MLIP: variants seen among roughly 807,000 people sequenced by gnomAD.
MLIP encodes the protein muscular LMNA interacting protein, also known as muscular LMNA-interacting protein.
Under a neutral mutation model 84.8 loss-of-function variants are expected in MLIP, and 79 were observed. That is an observed-to-expected ratio of 0.93 (90% CI 0.78 to 1.12). The LOEUF (loss-of-function observed/expected upper bound fraction) is 1.12, where lower values mean the gene tolerates loss of function less well. Ranked by LOEUF, MLIP falls within the 50% of genes most tolerant of loss-of-function variation. MLIP has a pLI of 0.00. For synonymous variants in MLIP, 504 were observed against 463.0 expected, an observed-to-expected ratio of 1.09 and a Z score of -1.14; for missense variants, 1,257 against 1,160.6, an observed-to-expected ratio of 1.08 and a Z score of -1.21.
intron 10 of MLIP, among the ~76,000 whole-genome samples, chr6:54,192,593 T>C (rs1396575082): frequency 6.6e-6 from 1 of 151,834 alleles, no homozygotes. Flanking sequence ...AATAAGAATG[T>C]CTTTGATAAA....
At chr6:54,262,046 C>T (rs1214515584) in intron 13 of MLIP, among the ~76,000 whole-genome samples, 3 of 151,934 alleles carry the variant, frequency 2.0e-5, no homozygotes, top group Admixed American at 1.3e-4. Context: ...AGTAGATAGC[C>T]ACCTTTCCCA....
intron 1 of MLIP, among the ~76,000 whole-genome samples, chr6:54,104,095 G>A (rs1178309827): frequency 6.6e-6 from 1 of 151,948 alleles, no homozygotes; most frequent in African/African-American, 2.4e-5. Context: ...AGTAATACAG[G>A]TAAATTTTTT....
intron 12 of MLIP, among the ~76,000 whole-genome samples, chr6:54,244,639 C>G (rs1249965321): frequency 2.6e-5 from 4 of 152,112 alleles, no homozygotes; most frequent in Non-Finnish European, 1.5e-5. Context: ...GAATACATGC[C>G]TTAATGACAG....
intron 4 of MLIP, among the ~76,000 whole-genome samples, chr6:54,144,550 C>T (rs183371819): frequency 3.6e-4 from 55 of 152,300 alleles, no homozygotes; most frequent in African/African-American, 1.2e-3. Context: ...CAACCTAGAT[C>T]CTTTGCCTGT....
chr6:54,201,842 G>A (rs1004535017), intron 10 of MLIP, among the ~76,000 whole-genome samples: 2 of 152,216 alleles, frequency 1.3e-5, no homozygotes, highest in Non-Finnish European at 2.9e-5. Context: ...GCACCAGCAA[G>A]GGTAGAACAT....
At chr6:54,123,935 CT>C (rs1561952723) in intron 2 of MLIP, among the ~76,000 whole-genome samples, 1 of 152,092 alleles carries the variant, frequency 6.6e-6, no homozygotes, top group African/African-American at 2.4e-5. Flanking sequence ...ATATCTGCAT[CT>C]TTTTTGGTGT....
intron 12 of MLIP, among the ~76,000 whole-genome samples, chr6:54,252,271 T>A (rs1782664178): frequency 8.9e-6 from 1 of 111,980 alleles, no homozygotes; most frequent in Admixed American, 1.1e-4. Flanking sequence ...ATATAATATA[T>A]AATATAACTA....
At chr6:54,027,374 TACACACACACACACACACAC>T (rs70980886) in intron 1 of MLIP, among the ~76,000 whole-genome samples, 313 of 148,608 alleles carry the variant, frequency 2.1e-3, no homozygotes, top group South Asian at 6.9e-3. Context: ...ATAAAAAAAA[TACACACACACACACACACAC>T]ACACACACAC....
At chr6:54,091,220 G>A (rs557514955) in intron 1 of MLIP, among the ~76,000 whole-genome samples, 18 of 152,212 alleles carry the variant, frequency 1.2e-4, no homozygotes, top group African/African-American at 3.9e-4. Context: ...TGAAAGCTGA[G>A]CCATCATAAA....
At position 54,121,459 on chromosome 6, in the gene MLIP, G is replaced by A. The variant is rs750204318; in HGVS notation, c.109G>A (p.Gly37Ser). The change falls in exon 2 of 14, where the codon GGT becomes AGT. Residue 37 changes from glycine to serine, a missense_variant. Coordinates refer to ENST00000502396, the MANE Select transcript of MLIP (RefSeq NM_001281747.2). ...ACATGTCTCATAGGTCTCTGCTGGT[G>A]GTTCTGAAGCCAAACCTCTGATCTT... The part of the protein sequence containing the change: ...IQTTPQVSAG[G>S]SEAKPLIFTF... 5.8e-5 allele frequency: 93 copies of A among 1,613,902 alleles called. No homozygotes were observed. The highest frequency in any genetic ancestry group is 6.1e-5 in the Non-Finnish European group (72 of 1,179,998).
chr6:54,258,737 G>A (rs986457696), intron 13 of MLIP, among the ~76,000 whole-genome samples: 3 of 151,900 alleles, frequency 2.0e-5, no homozygotes, highest in African/African-American at 7.2e-5. Context: ...ACATTCTTAA[G>A]TTAACTACTA....
chr6:54,106,091 G>A (rs544863270), intron 1 of MLIP, among the ~76,000 whole-genome samples: 1 of 152,176 alleles, frequency 6.6e-6, no homozygotes, highest in Non-Finnish European at 1.5e-5. Context: ...GTGCTCCCAG[G>A]AGCAATACCT....
intron 11 of MLIP, chr6:54,216,358 G>T: frequency 1.0e-6 from 1 of 985,180 alleles, no homozygotes; most frequent in Non-Finnish European, 1.2e-6. Flanking sequence ...CCTCCACATG[G>T]GAAATAAAAG....
chr6:54,238,897 T>A (rs1781537957), intron 12 of MLIP, among the ~76,000 whole-genome samples: 1 of 152,158 alleles, frequency 6.6e-6, no homozygotes, highest in Admixed American at 6.5e-5. Flanking sequence ...AAATGCATGA[T>A]CTTTGTGTGT....
At chr6:54,051,275 G>T (rs969438866) in intron 1 of MLIP, among the ~76,000 whole-genome samples, 3 of 151,874 alleles carry the variant, frequency 2.0e-5, no homozygotes, top group African/African-American at 7.2e-5. Flanking sequence ...ATAATACATT[G>T]TAGAGTGCTT....
intron 4 of MLIP, among the ~76,000 whole-genome samples, chr6:54,141,325 T>TTTTTTTTTGG (rs1772282980): frequency 1.3e-5 from 2 of 151,140 alleles, no homozygotes; most frequent in African/African-American, 2.4e-5. Flanking sequence ...TTTTTTTTTT[T>TTTTTTTTTGG]GAGACACGTC....
At chr6:54,094,091 G>T (rs1280832773) in intron 1 of MLIP, among the ~76,000 whole-genome samples, 1 of 151,882 alleles carries the variant, frequency 6.6e-6, no homozygotes, top group Admixed American at 6.6e-5. Context: ...AAATTTTGAT[G>T]GTGTCAATAG....
At chr6:54,047,277 A>G (rs1380490385) in intron 1 of MLIP, 1 of 152,122 alleles carries the variant, frequency 6.6e-6, no homozygotes, top group Non-Finnish European at 1.5e-5. Context: ...AGATAGAGGG[A>G]TGAGTGATAC....
At chr6:54,181,994 G>C (rs1714065139) in intron 9 of MLIP, among the ~76,000 whole-genome samples, 2 of 152,164 alleles carry the variant, frequency 1.3e-5, no homozygotes, top group African/African-American at 4.8e-5. Context: ...AATAGCACAA[G>C]TACTCCCTTT....
Sources: allele counts gnomAD v4.1 joint callset (sites outside exome capture counted in the v4.1 genomes callset), GRCh38; gene constraint gnomAD v4.1.1; transcripts MANE v1.5; gene names NCBI Gene and HGNC (gene_info 2026-07-23, HGNC 2026-07-21).